Variants in GRIK2 observed in about 807,000 individuals in gnomAD.
The protein encoded by GRIK2 is glutamate ionotropic receptor kainate type subunit 2.
Under a neutral mutation model 100.3 loss-of-function variants are expected in GRIK2, and 32 were observed. The observed-to-expected ratio is 0.32, with a 90% confidence interval of 0.24 to 0.43. The LOEUF is 0.43. Ranked by LOEUF, GRIK2 falls within the 20% of genes least tolerant of loss-of-function variation. GRIK2 has a pLI of 1.00. For missense variants in GRIK2, 843 were observed against 1,114.9 expected, an observed-to-expected ratio of 0.76 and a Z score of 3.47; for synonymous variants, 417 against 389.4, an observed-to-expected ratio of 1.07 and a Z score of -0.83.
intron 8 of GRIK2, 32 bp from the exon 9 acceptor site, chr6:101,802,299 T>C (rs757034743): frequency 2.4e-5 from 21 of 871,600 alleles, no homozygotes; most frequent in Non-Finnish European, 3.8e-5. Flanking sequence ...TTTCTTCACT[T>C]ATTTATTATC....
At chr6:101,882,732 T>G (rs1199227127) in intron 11 of GRIK2, among the ~76,000 whole-genome samples, 1 of 152,122 alleles carries the variant, frequency 6.6e-6, no homozygotes, top group African/African-American at 2.4e-5. Context: ...TTTATGTTTT[T>G]GTAAACTGCA....
At chr6:101,570,758 G>A (rs146039194) in intron 2 of GRIK2, among the ~76,000 whole-genome samples, 5 of 152,272 alleles carry the variant, frequency 3.3e-5, no homozygotes, top group Non-Finnish European at 5.9e-5. Flanking sequence ...TGTGGTCTCA[G>A]AAGAGTGAAC....
Position 101,679,761 on chromosome 6 carries a change from A to G in GRIK2, c.724-2792A>G, listed in dbSNP as rs568390573. Among the ~76,000 whole-genome samples, 10 of 152,230 alleles carry G rather than the reference A, an allele frequency of 6.6e-5. No homozygotes were observed. The South Asian group carries it at 2.1e-3, about 32-fold the overall frequency. ...CCAATTTTGTTTGTTTGTTTGTTTG[A>G]TGGAGTCTGGCTCTGTCGCCCAGGC... On this transcript the variant is annotated intron_variant, in intron 5 of 16. Coordinates refer to ENST00000369134, the MANE Select transcript of GRIK2 (RefSeq NM_021956.5).
intron 7 of GRIK2, among the ~76,000 whole-genome samples, chr6:101,718,117 G>A (rs73764511): frequency 0.058 from 8,730 of 151,660 alleles, 824 homozygotes; most frequent in African/African-American, 0.2. Flanking sequence ...TCATTAAAAT[G>A]TAATAAAAAA....
rs147573440 is a variant in GRIK2, at chr6:101,862,940, T to C, written c.1524+3447T>C. ...TTATGATGATTGGTGATTGATGACT[T>C]GAAATTTTTTGGTTAGCTATAAAAA... On this transcript the variant is annotated intron_variant, in intron 11 of 16. Coordinates refer to ENST00000369134, the MANE Select transcript of GRIK2 (RefSeq NM_021956.5). 2.0e-4 allele frequency among the ~76,000 whole-genome samples: 31 copies of C among 152,288 alleles called. 1 individual carries two copies. The East Asian group carries it at 6.0e-3, about 29-fold the overall frequency.
intron 2 of GRIK2, among the ~76,000 whole-genome samples, chr6:101,509,023 G>C (rs1774164845): frequency 6.6e-6 from 1 of 151,780 alleles, no homozygotes; most frequent in Non-Finnish European, 1.5e-5. Flanking sequence ...CTGGGCATGG[G>C]GGCGGGCACC....
intron 14 of GRIK2, among the ~76,000 whole-genome samples, chr6:101,937,587 A>C (rs1160244533): frequency 6.6e-6 from 1 of 152,160 alleles, no homozygotes; most frequent in African/African-American, 2.4e-5. Flanking sequence ...TTAGTGCTTT[A>C]TATCTTACAT....
intron 2 of GRIK2, among the ~76,000 whole-genome samples, chr6:101,580,974 A>G (rs1778052938): frequency 6.6e-6 from 1 of 151,850 alleles, no homozygotes; most frequent in Non-Finnish European, 1.5e-5. Flanking sequence ...TTTTCTCCAT[A>G]ACAATAATTA....
chr6:101,582,118 G>A (rs1435007572), intron 2 of GRIK2, among the ~76,000 whole-genome samples: 2 of 151,624 alleles, frequency 1.3e-5, no homozygotes, highest in Non-Finnish European at 2.9e-5. Flanking sequence ...TGTGCAGAAC[G>A]TACAGGTTTG....
chr6:101,621,790 A>G (rs1780174068), intron 2 of GRIK2, among the ~76,000 whole-genome samples, 159 bp from the exon 3 acceptor site: 1 of 151,908 alleles, frequency 6.6e-6, no homozygotes, highest in Non-Finnish European at 1.5e-5. Flanking sequence ...ATGTACTTAA[A>G]TCTCTCCCTC....
chr6:101,735,262 T>G (rs1267491809), intron 7 of GRIK2, among the ~76,000 whole-genome samples: 2 of 152,190 alleles, frequency 1.3e-5, no homozygotes, highest in African/African-American at 4.8e-5. Context: ...ACCCAGTATT[T>G]GATGGATAGA....
Position 102,068,381 on chromosome 6 carries a change from G to A in GRIK2, c.2597G>A (p.Arg866Lys). The A allele has an allele frequency of 6.2e-7, 1 of 1,611,720 alleles. No individual in the cohort carries two copies. ...SFCSAMVEEL[R>K]MSLKCQRRLK... ...TGTAGTGCCATGGTAGAAGAATTGA[G>A]GATGTCCCTGAAGTGCCAGCGTCGG... Residue 866 changes from arginine to lysine, a missense_variant, in exon 17 of 17, where the codon AGG (arginine) becomes AAG (lysine). Arg to Lys is a conservative substitution (Grantham distance 26). Coordinates refer to ENST00000369134, the MANE Select transcript of GRIK2 (RefSeq NM_021956.5).
chr6:102,027,296 T>C (rs1200490795), intron 14 of GRIK2, among the ~76,000 whole-genome samples: 1 of 151,290 alleles, frequency 6.6e-6, no homozygotes, highest in Non-Finnish European at 1.5e-5. Context: ...TTAGCAATTT[T>C]ACTGTATTAA....
intron 2 of GRIK2, among the ~76,000 whole-genome samples, chr6:101,506,109 C>T (rs1022280681): frequency 1.3e-5 from 2 of 152,032 alleles, no homozygotes; most frequent in African/African-American, 4.8e-5. Context: ...TAATTATTCT[C>T]ATTTTACAGA....
intron 11 of GRIK2, among the ~76,000 whole-genome samples, chr6:101,880,701 T>G (rs1786185879): frequency 6.6e-6 from 1 of 152,058 alleles, no homozygotes; most frequent in Non-Finnish European, 1.5e-5. Flanking sequence ...CTTATTTTTA[T>G]ATCTAAACAG....
At chr6:101,568,683 T>A (rs1409215683) in intron 2 of GRIK2, among the ~76,000 whole-genome samples, 2 of 152,062 alleles carry the variant, frequency 1.3e-5, no homozygotes, top group African/African-American at 2.4e-5. Flanking sequence ...AACCATAAAA[T>A]TTATTTTTAT....
At chr6:101,987,014 G>A (rs1298768065) in intron 14 of GRIK2, among the ~76,000 whole-genome samples, 7 of 151,618 alleles carry the variant, frequency 4.6e-5, no homozygotes, top group Admixed American at 6.6e-5. Context: ...CTGGTGGCAC[G>A]CAACTGTAGA....
chr6:101,609,943 T>C (rs2128312950), intron 2 of GRIK2, among the ~76,000 whole-genome samples: 1 of 151,712 alleles, frequency 6.6e-6, no homozygotes, highest in East Asian at 1.9e-4. Flanking sequence ...TAATGTAATA[T>C]GAATGTTAAT....
chr6:101,897,556 G>C (rs1192344711), intron 12 of GRIK2, among the ~76,000 whole-genome samples: 2 of 151,664 alleles, frequency 1.3e-5, no homozygotes. Context: ...TTCTCAATCT[G>C]AAACAACTAT....
Sources: allele counts gnomAD v4.1 joint callset (sites outside exome capture counted in the v4.1 genomes callset), GRCh38; gene constraint gnomAD v4.1.1; transcripts MANE v1.5; gene names NCBI Gene and HGNC (gene_info 2026-07-23, HGNC 2026-07-21).